PCDHGA1: variants seen among roughly 807,000 people sequenced by gnomAD.
The protein encoded by PCDHGA1 is protocadherin gamma-A1.
Under a neutral mutation model 58.0 loss-of-function variants are expected in PCDHGA1, and 32 were observed. The ratio of observed to expected loss-of-function variants is 0.55; its 90% CI spans 0.42 to 0.74. PCDHGA1 has a LOEUF of 0.74. PCDHGA1 is among the 30% of genes least tolerant of loss of function. The pLI is 0.00. For synonymous variants in PCDHGA1, 498 were observed against 501.1 expected, an observed-to-expected ratio of 0.99 and a Z score of 0.08; for missense variants, 1,205 against 1,182.3, an observed-to-expected ratio of 1.02 and a Z score of -0.28.
At chr5:141,405,448 CT>C in intron 1 of PCDHGA1, 1 of 1,314,740 alleles carries the variant, frequency 7.6e-7, no homozygotes, top group Non-Finnish European at 1.1e-6. Flanking sequence ...GAGACAGAGT[CT>C]TACTCTGTTA....
intron 1 of PCDHGA1, among the ~76,000 whole-genome samples, chr5:141,336,302 G>A (rs1318995659): frequency 6.6e-6 from 1 of 152,088 alleles, no homozygotes; most frequent in African/African-American, 2.4e-5. Context: ...GATTGCTTGA[G>A]CCCAGGAGTT....
intron 1 of PCDHGA1, among the ~76,000 whole-genome samples, chr5:141,474,862 T>C (rs1281140736): frequency 6.6e-6 from 1 of 152,264 alleles, no homozygotes; most frequent in Non-Finnish European, 1.5e-5. Context: ...CTTCATTTAA[T>C]AGGATAGGAG....
chr5:141,352,783 A>C, intron 1 of PCDHGA1: 1 of 1,089,618 alleles, frequency 9.2e-7, no homozygotes, highest in Non-Finnish European at 1.3e-6. Context: ...TGAGGTCAGG[A>C]GTTTGAGACC....
intron 1 of PCDHGA1, chr5:141,422,676 A>C (rs1245488589): frequency 6.2e-7 from 1 of 1,606,500 alleles, no homozygotes; most frequent in Admixed American, 1.7e-5. Flanking sequence ...CGGACAGCAA[A>C]CAGAATGCCC....
At chr5:141,338,978 G>A (rs1756795539) in intron 1 of PCDHGA1, 2 of 1,532,476 alleles carry the variant, frequency 1.3e-6, no homozygotes, top group Admixed American at 2.2e-5. Context: ...GGAAATGGCG[G>A]CTCTGCAAAA....
intron 1 of PCDHGA1, chr5:141,430,944 G>T: frequency 1.2e-6 from 2 of 1,609,214 alleles, no homozygotes; most frequent in Non-Finnish European, 1.7e-6. Flanking sequence ...CTCGCGGAGC[G>T]CGGAGTCCGC....
chr5:141,509,785 C>T (rs1445220885), intron 3 of PCDHGA1, among the ~76,000 whole-genome samples: 1 of 152,166 alleles, frequency 6.6e-6, no homozygotes, highest in African/African-American at 2.4e-5. Context: ...CCGAGATCAT[C>T]ATCTCCTCAG....
intron 1 of PCDHGA1, chr5:141,372,255 C>CTGCGCACGGGTGAGG: frequency 1.2e-6 from 2 of 1,613,136 alleles, no homozygotes; most frequent in East Asian, 2.2e-5. Flanking sequence ...CAGCCTGGGC[C>CTGCGCACGGGTGAGG]TGCGCACGGG....
intron 1 of PCDHGA1, among the ~76,000 whole-genome samples, chr5:141,335,601 G>A (rs555618448): frequency 6.6e-6 from 1 of 152,174 alleles, no homozygotes; most frequent in African/African-American, 2.4e-5. Flanking sequence ...AAGAAGATTT[G>A]AACAACATAA....
chr5:141,406,528 TGAC>T (rs1369720853), intron 1 of PCDHGA1, among the ~76,000 whole-genome samples: 4 of 152,246 alleles, frequency 2.6e-5, no homozygotes, highest in Non-Finnish European at 5.9e-5. Context: ...AGATATTTTC[TGAC>T]GAAGATTCAA....
rs754268147 is a variant in PCDHGA1, at chr5:141,410,352, G to C, written c.2421+77247G>C. ...CTGGCCATTGCCTTGCGCCTGCGAC[G>C]CTCTCTCAGCCCTGCTACTTGGGAC... On this transcript the variant is annotated intron_variant, in intron 1 of 3. Coordinates refer to ENST00000517417, the MANE Select transcript of PCDHGA1 (RefSeq NM_018912.3). The C allele has an allele frequency of 6.2e-6, 10 of 1,614,022 alleles. No homozygotes were observed. In the South Asian group the frequency reaches 1.1e-4, roughly 18 times the overall value.
intron 1 of PCDHGA1, chr5:141,423,606 GAT>G: frequency 6.2e-7 from 1 of 1,612,164 alleles, no homozygotes; most frequent in African/African-American, 1.3e-5. Flanking sequence ...AGCCACTCTT[GAT>G]AGCTGAAGAC....
chr5:141,403,465 G>A, intron 1 of PCDHGA1: 1 of 1,614,018 alleles, frequency 6.2e-7, no homozygotes, highest in Non-Finnish European at 8.5e-7. Context: ...AGAGCTACCA[G>A]CTCAGCCCCA....
At position 141,486,108 on chromosome 5, in the gene PCDHGA1, G is replaced by A. The variant is rs1184123075; in HGVS notation, c.2422-8699G>A. ...CTTTTGGGGCCCCTAGACTTTGAGA[G>A]TGAGAATTACTATGAATTTGATGTG... On this transcript the variant is annotated intron_variant, in intron 1 of 3. Coordinates refer to ENST00000517417, the MANE Select transcript of PCDHGA1 (RefSeq NM_018912.3). The surrounding 1 kb of genome is among the most constrained non-coding windows in gnomAD (Gnocchi z 5.0). 6 of 1,614,206 alleles carry A rather than the reference G, an allele frequency of 3.7e-6. No individual in the cohort carries two copies. Among genetic ancestry groups the A allele is most frequent in the South Asian group, 3.3e-5 (3 of 91,084 alleles).
chr5:141,343,625 A>G (rs918997188), intron 1 of PCDHGA1, among the ~76,000 whole-genome samples: 1 of 152,240 alleles, frequency 6.6e-6, no homozygotes, highest in African/African-American at 2.4e-5. Context: ...TTCCCAAGAA[A>G]GATAACTTGA....
At chr5:141,452,527 G>A (rs1164238830) in intron 1 of PCDHGA1, among the ~76,000 whole-genome samples, 1 of 152,156 alleles carries the variant, frequency 6.6e-6, no homozygotes, top group Non-Finnish European at 1.5e-5. Flanking sequence ...TCAAAATCGT[G>A]AGTTCATATT....
chr5:141,374,262 C>A lies in PCDHGA1; in HGVS notation c.2421+41157C>A, dbSNP rs369097101. The A allele has an allele frequency of 8.4e-5, 136 of 1,613,824 alleles. No individual in the cohort carries two copies. Among genetic ancestry groups the A allele is most frequent in the Non-Finnish European group, 1.1e-4 (132 of 1,179,878 alleles). On this transcript the variant is annotated intron_variant, in intron 1 of 3. Transcript: ENST00000517417. ...CTGGGACTGGAGCCCCAGGAGTTGG[C>A]GGAGCACGGAGTCCGCATCGTCTCC...
intron 1 of PCDHGA1, chr5:141,387,557 G>C (rs571413429): frequency 2.4e-6 from 1 of 416,144 alleles, no homozygotes; most frequent in South Asian, 5.2e-5. Context: ...TTTCAGTTAG[G>C]CACACAATTA....
At chr5:141,351,562 C>T in intron 1 of PCDHGA1, 3 of 1,614,052 alleles carry the variant, frequency 1.9e-6, no homozygotes, top group Non-Finnish European at 2.5e-6. Context: ...GGACAAGCAT[C>T]ACCCTGCACA....
Sources: allele counts gnomAD v4.1 joint callset (sites outside exome capture counted in the v4.1 genomes callset), GRCh38; gene constraint gnomAD v4.1.1; non-coding constraint Gnocchi (gnomAD v3.1); transcripts MANE v1.5; gene names NCBI Gene and HGNC (gene_info 2026-07-23, HGNC 2026-07-21).